The following DAB1 variants were observed in gnomAD, a reference collection of about 807,000 sequenced individuals.
DAB1 encodes the protein disabled homolog 1.
DAB1 carries 15 observed loss-of-function variants against 64.6 expected under a neutral mutation model. The ratio of observed to expected loss-of-function variants is 0.23; its 90% CI spans 0.16 to 0.36. DAB1 has a LOEUF of 0.36. Among genes scored for constraint, DAB1 ranks in the 10% least tolerant of loss-of-function variants. The pLI is 1.00. For synonymous variants in DAB1, 235 were observed against 251.9 expected, an observed-to-expected ratio of 0.93 and a Z score of 0.64; for missense variants, 596 against 706.7, an observed-to-expected ratio of 0.84 and a Z score of 1.78.
At position 58,462,113 on chromosome 1, in the gene DAB1, CTTTTTTTT is replaced by C. The variant is rs1168740907; in HGVS notation, n.257+43939_257+43946del. ...GATCCACGTCGATCTGAGAAGGTTT[CTTTTTTTT>C]TTTTTTTTTTTTTTTTGAGACGGAG... On this transcript the variant is annotated intron_variant and non_coding_transcript_variant, in intron 3 of 20. Coordinates refer to the DAB1 transcript ENST00000485760. Among the ~76,000 whole-genome samples, 198 of 54,264 alleles carry C rather than the reference CTTTTTTTT, an allele frequency of 3.6e-3. 1 individual carries two copies. The highest frequency in any genetic ancestry group is 0.02 in the South Asian group (45 of 2,204). 35.6% of individuals were successfully genotyped at this position (54,264 alleles called of 152,430 possible). A position where few individuals can be genotyped will look rare whatever the true frequency, so the allele number is the denominator to read the frequency against.
At chr1:57,526,109 T>C (rs1393791981) in intron 7 of DAB1, among the ~76,000 whole-genome samples, 1 of 152,086 alleles carries the variant, frequency 6.6e-6, no homozygotes, top group Admixed American at 6.5e-5. Context: ...AGCTAATTTT[T>C]GTATTTTCAG....
At chr1:58,370,780 A>G (rs949471395) in intron 3 of DAB1, among the ~76,000 whole-genome samples, 7 of 152,088 alleles carry the variant, frequency 4.6e-5, no homozygotes, top group Non-Finnish European at 7.4e-5. Context: ...GATGGTTTTT[A>G]TCAGTGGCAG....
intron 7 of DAB1, among the ~76,000 whole-genome samples, chr1:57,580,898 C>T (rs1645305252): frequency 6.6e-6 from 1 of 152,210 alleles, no homozygotes; most frequent in Non-Finnish European, 1.5e-5. Flanking sequence ...ACCCCAAGAA[C>T]TGGCACTGGA....
At chr1:57,591,969 T>C (rs1257138478) in intron 7 of DAB1, among the ~76,000 whole-genome samples, 1 of 152,178 alleles carries the variant, frequency 6.6e-6, no homozygotes, top group African/African-American at 2.4e-5. Context: ...ATACACTCTG[T>C]GATGTTTTTC....
chr1:57,556,875 C>T (rs541759444), intron 7 of DAB1, among the ~76,000 whole-genome samples: 1 of 152,246 alleles, frequency 6.6e-6, no homozygotes, highest in Admixed American at 6.5e-5. Context: ...AAGGGTTTTT[C>T]CAACGTTATC....
intron 5 of DAB1, among the ~76,000 whole-genome samples, chr1:58,032,422 T>A (rs1557618215): frequency 6.6e-6 from 1 of 152,138 alleles, no homozygotes; most frequent in African/African-American, 2.4e-5. Context: ...ATATCAAATG[T>A]AAAGCATTCA....
intron 6 of DAB1, among the ~76,000 whole-genome samples, chr1:57,679,447 C>A (rs964332213): frequency 6.6e-6 from 1 of 152,232 alleles, no homozygotes. Flanking sequence ...TAGAAGCACA[C>A]GCTCTTCATC....
chr1:57,206,749 T>G (rs564167340), intron 2 of DAB1, among the ~76,000 whole-genome samples: 3 of 152,132 alleles, frequency 2.0e-5, no homozygotes, highest in Non-Finnish European at 4.4e-5. Context: ...AGGGGCTTCA[T>G]CAAGAGGCAA....
intron 2 of DAB1, among the ~76,000 whole-genome samples, chr1:57,193,550 C>A (rs1664354952): frequency 6.6e-6 from 1 of 151,872 alleles, no homozygotes; most frequent in African/African-American, 2.4e-5. Context: ...CTATGCCCAG[C>A]TAATTTTTTG....
intron 5 of DAB1, chr1:58,071,663 T>C (rs1414532990): frequency 6.6e-6 from 1 of 152,120 alleles, no homozygotes; most frequent in Admixed American, 6.5e-5. Context: ...TTGAGGTTCA[T>C]GAAGAAGCTA....
rs932854374 is a variant in DAB1, at chr1:57,136,438, G to A, written c.306+105C>T. 1.1e-5 allele frequency: 6 copies of A among 555,164 alleles called. No homozygotes were observed. The African/African-American group carries it at 1.1e-4, about 11-fold the overall frequency. 34.4% of individuals were successfully genotyped at this position (555,164 alleles called of 1,614,324 possible). A position where few individuals can be genotyped will look rare whatever the true frequency, so the allele number is the denominator to read the frequency against. ...TGATCAAGTTTGTCAGTTGCTTTAT[G>A]TGTTTTTATGCTTGTTGTATATTCC... On this transcript the variant is annotated intron_variant, in intron 4 of 14. Transcript: ENST00000371236.
intron 7 of DAB1, among the ~76,000 whole-genome samples, chr1:57,581,546 C>T (rs2101551773): frequency 6.6e-6 from 1 of 152,120 alleles, no homozygotes; most frequent in Admixed American, 6.5e-5. Context: ...TTCTCAGTTT[C>T]ATAATCTGTA....
intron 7 of DAB1, among the ~76,000 whole-genome samples, chr1:57,525,774 G>GA (rs1237059733): frequency 6.6e-6 from 1 of 151,604 alleles, no homozygotes; most frequent in Non-Finnish European, 1.5e-5. Flanking sequence ...ACACCAGAAA[G>GA]AAAAAAACAG....
intron 3 of DAB1, among the ~76,000 whole-genome samples, chr1:58,431,483 G>A (rs849470): frequency 0.085 from 12,732 of 149,526 alleles, 813 homozygotes; most frequent in East Asian, 0.26. Context: ...GCTTGAACCC[G>A]GGAGGTGGAG....
intron 7 of DAB1, among the ~76,000 whole-genome samples, chr1:57,445,391 G>A (rs1686101864): frequency 6.6e-6 from 1 of 152,094 alleles, no homozygotes; most frequent in Non-Finnish European, 1.5e-5. Context: ...CTCAGGCTGA[G>A]GAAATTGTAT....
chr1:57,656,637 C>G lies in DAB1; in HGVS notation n.552-6972G>C, dbSNP rs547094496. ...GCTCCCAAAAAACCACAGAAATAAG[C>G]TGTTCATAGGTACTACAGAGTAAAC... is the stretch of plus-strand genomic sequence containing the variant. On this transcript the variant is annotated intron_variant and non_coding_transcript_variant, in intron 6 of 20. Coordinates refer to the DAB1 transcript ENST00000485760. Among the ~76,000 whole-genome samples the G allele has an allele frequency of 7.2e-5, 11 of 152,312 alleles. No homozygotes were observed. In the South Asian group the frequency reaches 2.1e-3, roughly 29 times the overall value.
At chr1:57,929,721 A>C (rs922663734) in intron 5 of DAB1, among the ~76,000 whole-genome samples, 1 of 152,194 alleles carries the variant, frequency 6.6e-6, no homozygotes, top group Non-Finnish European at 1.5e-5. Flanking sequence ...AACATGGTAG[A>C]AAAGGTCCAA....
chr1:57,435,045 T>G (rs1270316884), intron 7 of DAB1, among the ~76,000 whole-genome samples: 1 of 98,472 alleles, frequency 1.0e-5, no homozygotes, highest in Non-Finnish European at 2.0e-5. Flanking sequence ...TTTCTTTTTT[T>G]CTTTTTTTTT....
intron 7 of DAB1, among the ~76,000 whole-genome samples, chr1:57,612,741 A>T (rs1275397532): frequency 1.3e-5 from 2 of 152,144 alleles, no homozygotes; most frequent in African/African-American, 4.8e-5. Context: ...TTGAGCTACT[A>T]AGTTTGTAGT....
Sources: allele counts gnomAD v4.1 joint callset (sites outside exome capture counted in the v4.1 genomes callset), GRCh38; gene constraint gnomAD v4.1.1; transcripts MANE v1.5; gene names NCBI Gene and HGNC (gene_info 2026-07-23, HGNC 2026-07-21).